The following ZNF532 variants were observed in gnomAD, a reference collection of about 807,000 sequenced individuals.
The protein encoded by ZNF532 is zinc finger protein 532.
Under a neutral mutation model 89.3 loss-of-function variants are expected in ZNF532, and 22 were observed. The ratio of observed to expected loss-of-function variants is 0.25; its 90% CI spans 0.18 to 0.35. The LOEUF (loss-of-function observed/expected upper bound fraction) is 0.35, where lower values mean the gene tolerates loss of function less well. Among genes scored for constraint, ZNF532 ranks in the 10% least tolerant of loss-of-function variants. The probability of loss-of-function intolerance (pLI) is 1.00; values close to 1 mark genes in which losing one functional copy is unlikely to be tolerated. For missense variants in ZNF532, 1,132 were observed against 1,643.4 expected (o/e 0.69, Z 5.38); for synonymous variants, 606 against 649.6 (o/e 0.93, Z 1.02).
chr18:58,960,008 G>T (rs1473851221), intron 7 of ZNF532, among the ~76,000 whole-genome samples: 1 of 152,048 alleles, frequency 6.6e-6, no homozygotes, highest in Non-Finnish European at 1.5e-5. Flanking sequence ...GCACGATCTT[G>T]GCTCACTGCA....
At position 58,942,045 on chromosome 18, in the gene ZNF532, C is replaced by G. The variant is rs572380448; in HGVS notation, c.2705+2424C>G. 1.4e-3 allele frequency among the ~76,000 whole-genome samples: 197 copies of G among 145,566 alleles called. 1 individual carries two copies. The highest frequency in any genetic ancestry group is 4.6e-3 in the African/African-American group (180 of 39,270). ...TCTTTTTTTCTACCCCCGCCCCCCCCTCAGTCTCGCTGTGTCGCCCAGGCT... is the reference window on the plus strand; with the variant it reads ...TCTTTTTTTCTACCCCCGCCCCCCCGTCAGTCTCGCTGTGTCGCCCAGGCT... On this transcript the variant is annotated intron_variant, in intron 5 of 9. Coordinates refer to ENST00000591808, the MANE Select transcript of ZNF532 (RefSeq NM_001375912.1).
Position 58,979,069 on chromosome 18 carries a change from C to T in ZNF532, c.3165C>T (p.His1055=). The change falls in exon 8 of 10, where the codon CAC becomes CAT. Residue 1055 remains histidine, a synonymous_variant. Transcript: ENST00000591808. The stretch of plus-strand genomic sequence containing the variant: ...CCTTCCTCCAGCAAATGAAGAAACA[C>T]CCCTGCCGCCAGTGTGACAAGTCTT... ...RKEHGKQMKK[H]PCRQCDKSFS... is the part of the protein sequence containing the mutation. 1 of 1,611,326 alleles carries T rather than the reference C, an allele frequency of 6.2e-7. No individual in the cohort carries two copies. Among genetic ancestry groups the T allele is most frequent in the Non-Finnish European group, 8.5e-7 (1 of 1,177,814 alleles).
intron 2 of ZNF532, among the ~76,000 whole-genome samples, chr18:58,908,589 T>C (rs892507137): frequency 1.3e-5 from 2 of 152,208 alleles, no homozygotes; most frequent in African/African-American, 2.4e-5. Context: ...TTTGTTGCCT[T>C]TGATATTAGC....
intron 3 of ZNF532, among the ~76,000 whole-genome samples, 158 bp downstream of exon 3, chr18:58,920,791 TTTGG>T (rs1380321534): frequency 1.6e-4 from 9 of 54,822 alleles, no homozygotes; most frequent in African/African-American, 5.2e-4. Flanking sequence ...TGTGTGTGTG[TTTGG>T]GGAGGGGAGG....
chr18:58,947,136 A>G (rs2063734754), intron 5 of ZNF532, among the ~76,000 whole-genome samples: 1 of 152,178 alleles, frequency 6.6e-6, no homozygotes, highest in Admixed American at 6.5e-5. Context: ...CAGAGGAAAT[A>G]CAGATGCCCA....
intron 2 of ZNF532, among the ~76,000 whole-genome samples, chr18:58,871,384 C>T (rs2056968964): frequency 6.6e-6 from 1 of 152,214 alleles, no homozygotes; most frequent in Admixed American, 6.5e-5. Context: ...TGCACCACCG[C>T]AGCAGCTATT....
At chr18:58,875,752 G>A (rs1386109256) in intron 2 of ZNF532, among the ~76,000 whole-genome samples, 3 of 152,082 alleles carry the variant, frequency 2.0e-5, no homozygotes, top group Non-Finnish European at 2.9e-5. Context: ...GTAGGTGATC[G>A]ACCCTAGATT....
Position 58,984,394 on chromosome 18 carries a change from C to G in ZNF532, c.3834C>G (p.Ala1278=). The stretch of plus-strand genomic sequence containing the variant: ...CAAAAACTTTTGAAACTGAAGCTGC[C>G]TTAAATACTCACATGCGGACACACG... ...VCAKTFETEA[A]LNTHMRTHGM... is the part of the protein sequence containing the mutation. Residue 1278 remains alanine, a synonymous_variant, in exon 10 of 10, where the codon GCC becomes GCG. Transcript: ENST00000591808. The G allele has an allele frequency of 6.2e-7, 1 of 1,611,974 alleles. No individual in the cohort carries two copies. Among genetic ancestry groups the G allele is most frequent in the Non-Finnish European group, 8.5e-7 (1 of 1,179,846 alleles).
At chr18:58,926,216 C>T (rs954665596) in intron 3 of ZNF532, 2 of 152,172 alleles carry the variant, frequency 1.3e-5, no homozygotes, top group African/African-American at 4.8e-5. Context: ...AGTCCATGAA[C>T]ATGGGCATAG....
chr18:58,909,503 G>GCT (rs1347625666), intron 2 of ZNF532, among the ~76,000 whole-genome samples: 1 of 152,102 alleles, frequency 6.6e-6, no homozygotes, highest in African/African-American at 2.4e-5. Context: ...TTTCAACAAA[G>GCT]GTAGATAACA....
chr18:58,952,302 C>G (rs1263770155), intron 6 of ZNF532, among the ~76,000 whole-genome samples: 1 of 152,122 alleles, frequency 6.6e-6, no homozygotes, highest in Non-Finnish European at 1.5e-5. Flanking sequence ...TAACTGCAAG[C>G]CTGACTGCTA....
At chr18:58,872,912 ATGGTCTCAATCTCCTGACCCTG>A (rs1201777220) in intron 2 of ZNF532, among the ~76,000 whole-genome samples, 1 of 150,630 alleles carries the variant, frequency 6.6e-6, no homozygotes, top group Admixed American at 6.6e-5. Context: ...GTTAGCCAGG[ATGGTCTCAATCTCCTGACCCTG>A]TGGTCTGCCC....
chr18:58,937,931 C>T (rs1305537571), intron 4 of ZNF532, among the ~76,000 whole-genome samples: 1 of 152,194 alleles, frequency 6.6e-6, no homozygotes, highest in African/African-American at 2.4e-5. Context: ...TCCTTTTATT[C>T]TCTATTGTTA....
intron 3 of ZNF532, among the ~76,000 whole-genome samples, chr18:58,931,073 G>A (rs966275273): frequency 1.3e-5 from 2 of 152,116 alleles, no homozygotes; most frequent in Non-Finnish European, 2.9e-5. Context: ...GAGCAAATAA[G>A]GCTGCCCTAG....
rs1031416400 is a variant in ZNF532 at position 58,986,347 on chromosome 18, A to G, written c.*1881A>G. 3.3e-5 allele frequency: 5 copies of G among 152,682 alleles called. No homozygotes were observed. Among genetic ancestry groups the G allele is most frequent in the African/African-American group, 1.2e-4 (5 of 41,468 alleles). 9.5% of individuals were successfully genotyped at this position (152,682 alleles called of 1,614,324 possible). ...GATTCAGTTCTTTGCCGAAGCCCTC[A>G]TAGCTGGTAAGTGGCTTTGCATATT... On this transcript the variant is annotated 3_prime_UTR_variant, in exon 10 of 10. Coordinates refer to ENST00000591808, the MANE Select transcript of ZNF532 (RefSeq NM_001375912.1).
chr18:58,898,075 A>G (rs374334780), intron 2 of ZNF532, among the ~76,000 whole-genome samples: 1 of 152,252 alleles, frequency 6.6e-6, no homozygotes, highest in Non-Finnish European at 1.5e-5. Context: ...AGTACTTTAC[A>G]TCATAATTCC....
At chr18:58,884,700 G>C (rs2058163123) in intron 2 of ZNF532, among the ~76,000 whole-genome samples, 2 of 152,080 alleles carry the variant, frequency 1.3e-5, no homozygotes. Flanking sequence ...GGAATCCCTT[G>C]TTACTAGTAT....
intron 8 of ZNF532, chr18:58,979,965 A>T (rs1190348531): frequency 6.6e-6 from 1 of 152,050 alleles, no homozygotes; most frequent in African/African-American, 2.4e-5. Context: ...AACGTATCTC[A>T]TCATTAGTGA....
intron 7 of ZNF532, among the ~76,000 whole-genome samples, chr18:58,958,874 G>C (rs1295360692): frequency 1.3e-5 from 2 of 152,198 alleles, no homozygotes; most frequent in African/African-American, 4.8e-5. Flanking sequence ...CAAATGCACA[G>C]AGTTTTACAT....
Sources: gnomAD v4.1 joint callset for allele counts (sites outside exome capture counted in the v4.1 genomes callset) on GRCh38, gnomAD v4.1.1 for gene constraint, MANE v1.5 for transcripts, NCBI Gene and HGNC (gene_info 2026-07-23, HGNC 2026-07-21) for gene names.